WWOX: variants seen among roughly 807,000 people sequenced by gnomAD.
The protein encoded by WWOX is WW domain containing oxidoreductase, also known as WW domain-containing oxidoreductase.
WWOX carries 69 observed loss-of-function variants against 46.2 expected under a neutral mutation model. The observed-to-expected ratio is 1.49, with a 90% CI of 1.23 to 1.82. WWOX has a LOEUF of 1.82. Among genes scored for constraint, WWOX ranks in the 40% most tolerant of loss-of-function variants. The pLI is 0.00. For synonymous variants in WWOX, 359 were observed against 202.6 expected (o/e 1.77, Z -6.56); for missense variants, 919 against 542.6 (o/e 1.69, Z -6.89).
chr16:78,357,538 G>A lies in WWOX; in HGVS notation c.517-29322G>A, dbSNP rs143438682. 4.0e-3 allele frequency among the ~76,000 whole-genome samples: 605 copies of A among 152,226 alleles called. 1 individual carries two copies. The highest frequency in any genetic ancestry group is 0.014 in the African/African-American group (572 of 41,542). Reference sequence around the variant, plus strand: ...GTTATCATAACCTTGATTTTTGAGGGATAGAATTGGGCATAATCAGAGAAA... The same window carrying A: ...GTTATCATAACCTTGATTTTTGAGGAATAGAATTGGGCATAATCAGAGAAA... On this transcript the variant is annotated intron_variant, in intron 5 of 8. Transcript: ENST00000566780.
chr16:78,591,025 G>A (rs1170851056), intron 8 of WWOX, among the ~76,000 whole-genome samples: 1 of 152,198 alleles, frequency 6.6e-6, no homozygotes, highest in Non-Finnish European at 1.5e-5. Flanking sequence ...GGCTCCACCA[G>A]TATGAAAATG....
intron 8 of WWOX, among the ~76,000 whole-genome samples, chr16:78,934,892 G>T (rs1447100107): frequency 6.6e-6 from 1 of 152,096 alleles, no homozygotes; most frequent in African/African-American, 2.4e-5. Flanking sequence ...TTGAGCCCAG[G>T]AGTTTGAGAC....
chr16:78,150,489 C>A (rs2034365977), intron 4 of WWOX, among the ~76,000 whole-genome samples: 1 of 152,210 alleles, frequency 6.6e-6, no homozygotes, highest in South Asian at 2.1e-4. Context: ...AGCCATCCTC[C>A]TGCCTCAGCT....
At chr16:79,207,575 A>G (rs756047751) in intron 8 of WWOX, among the ~76,000 whole-genome samples, 13 of 152,314 alleles carry the variant, frequency 8.5e-5, no homozygotes, top group East Asian at 1.9e-4. Context: ...CTCTCTCACA[A>G]TCATTGAATA....
chr16:78,866,847 A>G (rs754724393), intron 8 of WWOX, among the ~76,000 whole-genome samples: 2 of 152,202 alleles, frequency 1.3e-5, no homozygotes, highest in Admixed American at 6.5e-5. Flanking sequence ...TTAAAATAGT[A>G]GGGTCAGTAG....
intron 8 of WWOX, among the ~76,000 whole-genome samples, chr16:78,824,534 C>T (rs371274319): frequency 6.6e-6 from 1 of 152,076 alleles, no homozygotes. Flanking sequence ...AAGACACACC[C>T]GAGACTGGGA....
At chr16:78,944,186 C>G (rs1319963688) in intron 8 of WWOX, among the ~76,000 whole-genome samples, 1 of 152,140 alleles carries the variant, frequency 6.6e-6, no homozygotes, top group Non-Finnish European at 1.5e-5. Context: ...CTCAGCACAA[C>G]ACATCCCATC....
intron 8 of WWOX, among the ~76,000 whole-genome samples, chr16:78,728,042 C>T (rs2048876926): frequency 9.5e-6 from 1 of 105,340 alleles, no homozygotes; most frequent in South Asian, 3.2e-4. Context: ...CCTCTTTCCT[C>T]TCTCCCTCCT....
At chr16:78,819,794 C>G (rs1187583656) in intron 8 of WWOX, among the ~76,000 whole-genome samples, 2 of 152,214 alleles carry the variant, frequency 1.3e-5, no homozygotes, top group African/African-American at 2.4e-5. Flanking sequence ...CATCCGTAAA[C>G]AAAGCTTGGC....
chr16:78,212,946 G>C (rs2036603452), intron 5 of WWOX, among the ~76,000 whole-genome samples: 1 of 152,106 alleles, frequency 6.6e-6, no homozygotes, highest in Non-Finnish European at 1.5e-5. Context: ...TGGGAGGTAA[G>C]GGGCTGTGCT....
At chr16:78,652,050 AC>A (rs1264452116) in intron 8 of WWOX, among the ~76,000 whole-genome samples, 11 of 152,102 alleles carry the variant, frequency 7.2e-5, no homozygotes, top group Non-Finnish European at 1.0e-4. Flanking sequence ...TAAAGGAAGT[AC>A]CTATGAGGCC....
At chr16:79,143,088 G>T (rs1256728607) in intron 8 of WWOX, among the ~76,000 whole-genome samples, 1 of 152,112 alleles carries the variant, frequency 6.6e-6, no homozygotes, top group African/African-American at 2.4e-5. Context: ...TTAAGGTTCA[G>T]AAGTATTTGG....
chr16:78,582,445 AT>A (rs1193600743), intron 8 of WWOX, among the ~76,000 whole-genome samples: 1 of 152,274 alleles, frequency 6.6e-6, no homozygotes, highest in East Asian at 1.9e-4. Flanking sequence ...CAAAAATTAT[AT>A]TTTTTATATG....
At chr16:78,464,500 C>G (rs186645818) in intron 8 of WWOX, among the ~76,000 whole-genome samples, 70 of 152,234 alleles carry the variant, frequency 4.6e-4, no homozygotes, top group Non-Finnish European at 9.3e-4. Flanking sequence ...ACTAGGATTT[C>G]TTGGGTGCTT....
chr16:78,953,295 T>G (rs2046099885), intron 8 of WWOX, among the ~76,000 whole-genome samples: 1 of 142,462 alleles, frequency 7.0e-6, no homozygotes, highest in Non-Finnish European at 1.5e-5. Context: ...CAGGCACAAT[T>G]ATAGTGGGGG....
At chr16:78,704,290 C>A (rs919126719) in intron 8 of WWOX, among the ~76,000 whole-genome samples, 9 of 152,126 alleles carry the variant, frequency 5.9e-5, no homozygotes, top group African/African-American at 2.2e-4. Flanking sequence ...TCCAAAATTT[C>A]CTCATCTTGA....
At chr16:78,371,791 T>C (rs750936194) in intron 5 of WWOX, among the ~76,000 whole-genome samples, 29 of 136,576 alleles carry the variant, frequency 2.1e-4, no homozygotes, top group African/African-American at 7.0e-4. Context: ...TGTTTTTCTT[T>C]ATCTTTATCA....
chr16:78,558,910 C>G (rs954188888), intron 8 of WWOX, among the ~76,000 whole-genome samples: 9 of 152,242 alleles, frequency 5.9e-5, no homozygotes, highest in Admixed American at 6.5e-5. Flanking sequence ...TGTTCCCATA[C>G]TAACCCCTAC....
At chr16:78,421,753 C>G (rs1215468704) in intron 6 of WWOX, among the ~76,000 whole-genome samples, 1 of 152,148 alleles carries the variant, frequency 6.6e-6, no homozygotes, top group Non-Finnish European at 1.5e-5. Context: ...AAAACTTGAT[C>G]TGCTTTTTAC....
Sources: allele counts gnomAD v4.1 joint callset (sites outside exome capture counted in the v4.1 genomes callset), GRCh38; gene constraint gnomAD v4.1.1; transcripts MANE v1.5; gene names NCBI Gene and HGNC (gene_info 2026-07-23, HGNC 2026-07-21).